ABR: variants seen among roughly 807,000 people sequenced by gnomAD.
The protein encoded by ABR is active breakpoint cluster region-related protein.
ABR carries 35 observed loss-of-function variants against 107.2 expected under a neutral mutation model. That is an observed-to-expected ratio of 0.33 (90% confidence interval 0.25 to 0.43). The LOEUF (loss-of-function observed/expected upper bound fraction) is 0.43. Among genes scored for constraint, ABR ranks in the 20% least tolerant of loss-of-function variants. The probability of loss-of-function intolerance (pLI) is 1.00; values close to 1 mark genes in which losing one functional copy is unlikely to be tolerated. For synonymous variants in ABR, 498 were observed against 462.0 expected, an observed-to-expected ratio of 1.08 and a Z score of -1.00; for missense variants, 815 against 1,115.2, an observed-to-expected ratio of 0.73 and a Z score of 3.83.
In ABR at chr17:1,055,647, C is replaced by T. The variant is rs551566396; in HGVS notation, c.1561+388G>A. On this transcript the variant is annotated intron_variant, in intron 14 of 22. Coordinates refer to ENST00000302538, the MANE Select transcript of ABR (RefSeq NM_021962.5). ...GGTTCAAGGGATTCTCTGGCCTCAGCCTCCCAAGTAGCTGGGACTACAGGC... is the reference window on the plus strand; with the variant it reads ...GGTTCAAGGGATTCTCTGGCCTCAGTCTCCCAAGTAGCTGGGACTACAGGC... 174 of 170,542 alleles carry T rather than the reference C, an allele frequency of 1.0e-3. 1 individual carries two copies. The highest frequency in any genetic ancestry group is 5.6e-3 in the Middle Eastern group (2 of 358). The allele number at this position is 170,542 out of a possible 1,614,324, so 10.6% of individuals were successfully genotyped here.
intron 6 of ABR, among the ~76,000 whole-genome samples, chr17:1,073,945 G>GT (rs1179430207): frequency 6.7e-6 from 1 of 149,224 alleles, no homozygotes; most frequent in Non-Finnish European, 1.5e-5. Context: ...ATCGAGAGCC[G>GT]CCCCGCCCCC....
intron 1 of ABR, chr17:1,153,795 T>A (rs75317238): frequency 5.9e-6 from 1 of 169,478 alleles, no homozygotes. Context: ...GGGCTGGGGG[T>A]CCAGGCACAC....
intron 6 of ABR, among the ~76,000 whole-genome samples, chr17:1,074,205 C>T (rs371807821): frequency 1.0e-4 from 14 of 134,448 alleles, no homozygotes; most frequent in African/African-American, 1.7e-4. Context: ...ACCTGCCACA[C>T]GCAGGACCCC....
At chr17:1,072,176 T>G (rs546914569) in intron 8 of ABR, among the ~76,000 whole-genome samples, 1 of 152,314 alleles carries the variant, frequency 6.6e-6, no homozygotes, top group East Asian at 1.9e-4. Context: ...GTGCTGGGAT[T>G]ACAGGTGTGA....
rs1567668733 is a variant in ABR at position 1,057,308 on chromosome 17, T to TGTGTG, written c.1382-207_1382-206insCACAC. 3.5e-4 allele frequency among the ~76,000 whole-genome samples: 24 copies of TGTGTG among 68,032 alleles called. 1 individual carries two copies. The highest frequency in any genetic ancestry group is 4.9e-4 in the South Asian group (1 of 2,034). 44.6% of individuals were successfully genotyped at this position (68,032 alleles called of 152,430 possible). A position where few individuals can be genotyped will look rare whatever the true frequency, so the allele number is the denominator to read the frequency against. On this transcript the variant is annotated intron_variant, in intron 12 of 22. Coordinates refer to ENST00000302538, the MANE Select transcript of ABR (RefSeq NM_021962.5). ...AGTAGGAGAATCTAACTGAAGAGGT[T>TGTGTG]TGTGTGTGTGTGTGTGTGTGTGTGT...
chr17:1,136,833 A>G (rs901393238), intron 1 of ABR, among the ~76,000 whole-genome samples: 7 of 152,094 alleles, frequency 4.6e-5, no homozygotes, highest in African/African-American at 4.8e-5. Flanking sequence ...AACTTTCTCC[A>G]TATCAGCAGT....
In ABR at chr17:1,003,535, G is replaced by T. The variant is rs1216738465; in HGVS notation, c.*2545C>A. 1 of 152,634 alleles carries T rather than the reference G, an allele frequency of 6.6e-6. No individual in the cohort carries two copies. Among genetic ancestry groups the T allele is most frequent in the African/African-American group, 2.4e-5 (1 of 41,446 alleles). The allele number at this position is 152,634 out of a possible 1,614,324, so 9.5% of individuals were successfully genotyped here. On this transcript the variant is annotated 3_prime_UTR_variant, in exon 23 of 23. Transcript: ENST00000302538. ...CCACAGGGCTGAGTTTTGTGCAAAT[G>T]ATGGGGCTTTGCATTTTTTATTAAC...
rs181996788 is a variant in ABR, at chr17:1,165,982, C to T, written c.61+13685G>A. On this transcript the variant is annotated intron_variant, in intron 1 of 22. Coordinates refer to ENST00000302538, the MANE Select transcript of ABR (RefSeq NM_021962.5). ...GCAGATGACCTCAGCTCCCACCCCC[C>T]GGAGTGTCCGCACCCACCCTCCCCA... Among the ~76,000 whole-genome samples the T allele has an allele frequency of 6.8e-4, 103 of 151,852 alleles. 2 individuals are homozygous for T. In the East Asian group the frequency reaches 0.016, roughly 23 times the overall value.
At chr17:1,021,266 C>T (rs953517399) in intron 16 of ABR, among the ~76,000 whole-genome samples, 3 of 152,210 alleles carry the variant, frequency 2.0e-5, no homozygotes, top group Non-Finnish European at 4.4e-5. Context: ...TTGCCAGGGC[C>T]CCAAGAGCTC....
intron 16 of ABR, among the ~76,000 whole-genome samples, chr17:1,033,468 C>T (rs539950556): frequency 6.6e-6 from 1 of 152,334 alleles, no homozygotes; most frequent in Admixed American, 6.5e-5. Context: ...GGAACACAAA[C>T]GGAGGTCTGG....
In ABR at chr17:1,084,149, T is replaced by TTTGGGAGGCCTGAGG. The variant is rs2151261999; in HGVS notation, c.532-537_532-523dup. Among the ~76,000 whole-genome samples, 1 of 152,274 alleles carries TTTGGGAGGCCTGAGG rather than the reference T, an allele frequency of 6.6e-6. No individual in the cohort carries two copies. Among genetic ancestry groups the TTTGGGAGGCCTGAGG allele is most frequent in the South Asian group, 2.1e-4 (1 of 4,818 alleles). ...CGGCTCACGCCTGTAACCCCAGCAC[T>TTTGGGAGGCCTGAGG]TTGGGAGGCCTGAGGTCAGGAGTTC... On this transcript the variant is annotated intron_variant, in intron 4 of 22. Coordinates refer to ENST00000302538, the MANE Select transcript of ABR (RefSeq NM_021962.5). The surrounding 1 kb of genome is among the most constrained non-coding windows in gnomAD (Gnocchi z 4.2).
intron 1 of ABR, among the ~76,000 whole-genome samples, chr17:1,165,539 T>C (rs1004181202): frequency 1.3e-5 from 2 of 152,202 alleles, no homozygotes; most frequent in Non-Finnish European, 2.9e-5. Flanking sequence ...TTTCTTTTTT[T>C]CTTTTTTCTG....
chr17:1,172,751 A>T (rs1270080021), intron 1 of ABR, among the ~76,000 whole-genome samples: 1 of 150,718 alleles, frequency 6.6e-6, no homozygotes, highest in Non-Finnish European at 1.5e-5. Flanking sequence ...CTCCATCTCA[A>T]AAAAAAAAGA....
intron 1 of ABR, among the ~76,000 whole-genome samples, chr17:1,217,604 T>G (rs1488631006): frequency 6.6e-6 from 1 of 152,200 alleles, no homozygotes; most frequent in Non-Finnish European, 1.5e-5. Context: ...GCAAAAAGGT[T>G]GAGGAATTTG....
chr17:1,075,162 G>C (rs901246632), intron 6 of ABR, among the ~76,000 whole-genome samples: 1 of 152,238 alleles, frequency 6.6e-6, no homozygotes, highest in South Asian at 2.1e-4. Flanking sequence ...GGAGGTGGCA[G>C]CTGGTGGATC....
In ABR at chr17:1,011,713, T is replaced by G; in HGVS notation, c.2101+133A>C. On this transcript the variant is annotated intron_variant, in intron 19 of 22. Coordinates refer to ENST00000302538, the MANE Select transcript of ABR (RefSeq NM_021962.5). The surrounding 1 kb of genome is among the most constrained non-coding windows in gnomAD (Gnocchi z 4.8). ...GGGAGGGGATTACAAGAGAAAGCAC[T>G]TGCCACGGGGACTCTGAAGCAGAGC... 1 of 1,175,922 alleles carries G rather than the reference T, an allele frequency of 8.5e-7. No individual in the cohort carries two copies. Among genetic ancestry groups the G allele is most frequent in the Non-Finnish European group, 1.1e-6 (1 of 873,490 alleles). 72.8% of individuals were successfully genotyped at this position (1,175,922 alleles called of 1,614,324 possible).
At chr17:1,166,993 ACT>A (rs1161486520) in intron 1 of ABR, among the ~76,000 whole-genome samples, 4 of 152,072 alleles carry the variant, frequency 2.6e-5, no homozygotes, top group South Asian at 2.1e-4. Context: ...ACAGAGCCAG[ACT>A]CTGTCTCAAA....
At chr17:1,213,637 C>T (rs1231738322) in intron 1 of ABR, among the ~76,000 whole-genome samples, 4 of 152,110 alleles carry the variant, frequency 2.6e-5, no homozygotes, top group South Asian at 4.1e-4. Flanking sequence ...GTGACTCACC[C>T]GCCTCGGCCT....
intron 10 of ABR, 29 bp downstream of exon 10, chr17:1,067,048 C>G (rs2034813052): frequency 6.2e-7 from 1 of 1,609,106 alleles, no homozygotes; most frequent in Non-Finnish European, 8.5e-7. Flanking sequence ...CTCAAAGGGC[C>G]CCAGGCTCAG....
Sources: allele counts gnomAD v4.1 joint callset (sites outside exome capture counted in the v4.1 genomes callset), GRCh38; gene constraint gnomAD v4.1.1; non-coding constraint Gnocchi (gnomAD v3.1); transcripts MANE v1.5; gene names NCBI Gene and HGNC (gene_info 2026-07-23, HGNC 2026-07-21).